DECR1: variants seen among roughly 807,000 people sequenced by gnomAD.
DECR1 encodes the protein 2,4-dienoyl-CoA reductase [(3E)-enoyl-CoA-producing], mitochondrial.
A neutral mutation model predicts 38.8 loss-of-function variants in DECR1; 44 were observed. The observed-to-expected ratio is 1.13, with a 90% CI of 0.89 to 1.46. The LOEUF (loss-of-function observed/expected upper bound fraction) is 1.46. DECR1 is among the 40% of genes most tolerant of loss of function. The pLI, the probability that DECR1 is intolerant of heterozygous loss-of-function variation, is 0.00. For missense variants in DECR1, 428 were observed against 405.5 expected (o/e 1.06, Z -0.48); for synonymous variants, 148 against 135.2 (o/e 1.09, Z -0.66).
intron 7 of DECR1, among the ~76,000 whole-genome samples, chr8:90,043,781 G>A (rs1250010601): frequency 6.6e-6 from 1 of 152,160 alleles, no homozygotes; most frequent in Non-Finnish European, 1.5e-5. Flanking sequence ...TAAAATTAGT[G>A]GAAAGAAACT....
At chr8:90,033,628 T>A (rs368418312) in intron 5 of DECR1, among the ~76,000 whole-genome samples, 3 of 152,166 alleles carry the variant, frequency 2.0e-5, no homozygotes, top group Non-Finnish European at 4.4e-5. Flanking sequence ...AACCTTTATC[T>A]CCCTTTTACA....
intron 6 of DECR1, among the ~76,000 whole-genome samples, chr8:90,041,012 T>C (rs1309293071): frequency 6.6e-6 from 1 of 152,236 alleles, no homozygotes; most frequent in Non-Finnish European, 1.5e-5. Flanking sequence ...CTGGGTCAAA[T>C]GGTATTTCTA....
rs1314116034 is a variant in DECR1, at chr8:90,052,026, G to T, written c.*129G>T. ...AACATTCATTGAATATGTATTATGT[G>T]CCAGGCCAGTGATAGCCATTGTATA... On this transcript the variant is annotated 3_prime_UTR_variant, in exon 10 of 10. Transcript: ENST00000220764. 1 of 767,390 alleles carries T rather than the reference G, an allele frequency of 1.3e-6. No individual in the cohort carries two copies. The highest frequency in any genetic ancestry group is 2.1e-6 in the Non-Finnish European group (1 of 468,482). 47.5% of individuals were successfully genotyped at this position (767,390 alleles called of 1,614,324 possible). A position where few individuals can be genotyped will look rare whatever the true frequency, so the allele number is the denominator to read the frequency against.
intron 5 of DECR1, among the ~76,000 whole-genome samples, chr8:90,025,431 C>A (rs1440249777): frequency 1.3e-5 from 2 of 152,114 alleles, no homozygotes; most frequent in Admixed American, 6.6e-5. Context: ...TTGAAGAGGT[C>A]CTTCACATCC....
intron 1 of DECR1, among the ~76,000 whole-genome samples, chr8:90,006,824 GACTAAAACGA>G (rs1184979864): frequency 1.3e-5 from 2 of 152,182 alleles, no homozygotes; most frequent in East Asian, 1.9e-4. Flanking sequence ...AGCTACTGGG[GACTAAAACGA>G]ACTGGGCTTG....
chr8:90,035,188 A>G (rs1459518714), intron 5 of DECR1, among the ~76,000 whole-genome samples: 1 of 152,096 alleles, frequency 6.6e-6, no homozygotes, highest in East Asian at 1.9e-4. Flanking sequence ...ATGATAATGT[A>G]TTGATTTTTT....
chr8:90,038,267 T>C (rs901219733), intron 6 of DECR1, among the ~76,000 whole-genome samples: 1 of 152,116 alleles, frequency 6.6e-6, no homozygotes, highest in African/African-American at 2.4e-5. Context: ...GTTATATTGT[T>C]GTTGGAATTT....
intron 8 of DECR1, among the ~76,000 whole-genome samples, chr8:90,049,868 T>C (rs1327535305): frequency 6.6e-6 from 1 of 151,990 alleles, no homozygotes; most frequent in East Asian, 1.9e-4. Context: ...TCAGAAATAA[T>C]ACCACACATC....
At chr8:90,033,270 T>A (rs1813542029) in intron 5 of DECR1, among the ~76,000 whole-genome samples, 1 of 152,240 alleles carries the variant, frequency 6.6e-6, no homozygotes, top group African/African-American at 2.4e-5. Context: ...TGATTTTTGA[T>A]GTTCTTTTAT....
rs200245222 is a variant in DECR1, at chr8:90,017,095, G to C, written c.70-29G>C. 6.0e-4 allele frequency: 919 copies of C among 1,533,472 alleles called. 1 individual carries two copies. Among genetic ancestry groups the C allele is most frequent in the Non-Finnish European group, 8.1e-4 (901 of 1,113,732 alleles). The allele number at this position is 1,533,472 out of a possible 1,614,324, so 95.0% of individuals were successfully genotyped here. A position where few individuals can be genotyped will look rare whatever the true frequency, so the allele number is the denominator to read the frequency against. ...ATCTGTTTTTTGGAAATATATGTAT[G>C]CAAATTTAAATTCATTTTCCCCTTT... On this transcript the variant is annotated intron_variant, in intron 1 of 9. Transcript: ENST00000220764.
chr8:90,019,025 T>G (rs1813080760), intron 3 of DECR1, 59 bp downstream of exon 3: 2 of 1,584,648 alleles, frequency 1.3e-6, no homozygotes, highest in Non-Finnish European at 1.7e-6. Context: ...TTCAAATAAT[T>G]TGTTCATGCG....
At chr8:90,037,683 A>C (rs1189887587) in intron 6 of DECR1, among the ~76,000 whole-genome samples, 9 of 152,058 alleles carry the variant, frequency 5.9e-5, no homozygotes, top group Non-Finnish European at 1.3e-4. Context: ...TCCTGACCTC[A>C]AGAAATCCTC....
Position 90,052,027 on chromosome 8 carries a change from C to T in DECR1, c.*130C>T. On this transcript the variant is annotated 3_prime_UTR_variant, in exon 10 of 10. Coordinates refer to ENST00000220764, the MANE Select transcript of DECR1 (RefSeq NM_001359.2). ...ACATTCATTGAATATGTATTATGTGCCAGGCCAGTGATAGCCATTGTATAT... is the reference window on the plus strand; with the variant it reads ...ACATTCATTGAATATGTATTATGTGTCAGGCCAGTGATAGCCATTGTATAT... 1.3e-6 allele frequency: 1 copy of T among 756,404 alleles called. No homozygotes were observed. 46.9% of individuals were successfully genotyped at this position (756,404 alleles called of 1,614,324 possible).
chr8:90,037,052 T>TG (rs1813635410), intron 6 of DECR1, 112 bp downstream of exon 6: 18 of 712,960 alleles, frequency 2.5e-5, no homozygotes, highest in Non-Finnish European at 4.3e-5. Context: ...AACAAAGACT[T>TG]GGATTCACCA....
At chr8:90,019,011 CAT>C in intron 3 of DECR1, 45 bp downstream of exon 3, 1 of 1,574,516 alleles carries the variant, frequency 6.4e-7, no homozygotes, top group Non-Finnish European at 8.7e-7. Context: ...GGAATTATAA[CAT>C]GTTCAAATAA....
intron 5 of DECR1, among the ~76,000 whole-genome samples, chr8:90,033,350 C>T (rs913735035): frequency 6.6e-6 from 1 of 152,010 alleles, no homozygotes; most frequent in African/African-American, 2.4e-5. Context: ...TATTGCTTCC[C>T]TTCTCTATTT....
chr8:90,005,483 A>T lies in DECR1; in HGVS notation c.69+3922A>T. The T allele has an allele frequency of 1.8e-5, 8 of 455,490 alleles. No homozygotes were observed. The Middle Eastern group carries it at 2.3e-3, about 133-fold the overall frequency. 28.2% of individuals were successfully genotyped at this position (455,490 alleles called of 1,614,324 possible). A position where few individuals can be genotyped will look rare whatever the true frequency, so the allele number is the denominator to read the frequency against. On this transcript the variant is annotated intron_variant, in intron 1 of 9. Coordinates refer to ENST00000220764, the MANE Select transcript of DECR1 (RefSeq NM_001359.2). ...GAGTAAAGATGGAAGCCAAAGTATC[A>T]CTTTTATTGTGGTTTGTGAGAGGAA... is the stretch of plus-strand genomic sequence containing the variant.
intron 5 of DECR1, among the ~76,000 whole-genome samples, chr8:90,023,765 C>T (rs1363177048): frequency 6.6e-6 from 1 of 151,862 alleles, no homozygotes; most frequent in East Asian, 1.9e-4. Flanking sequence ...ATGTGCACAA[C>T]GTGCAGGTTC....
intron 1 of DECR1, among the ~76,000 whole-genome samples, chr8:90,012,043 T>G (rs896277713): frequency 1.3e-5 from 2 of 152,176 alleles, no homozygotes; most frequent in Non-Finnish European, 2.9e-5. Flanking sequence ...ATAAATATGG[T>G]CGTATATTTG....
Sources: gnomAD v4.1 joint callset for allele counts (sites outside exome capture counted in the v4.1 genomes callset) on GRCh38, gnomAD v4.1.1 for gene constraint, MANE v1.5 for transcripts, NCBI Gene and HGNC (gene_info 2026-07-23, HGNC 2026-07-21) for gene names.